Variants in ANKRD34B observed in about 807,000 individuals in gnomAD.
The protein encoded by ANKRD34B is ankyrin repeat domain-containing protein 34B.
A neutral mutation model predicts 4.4 loss-of-function variants in ANKRD34B; 2 were observed. That is an observed-to-expected ratio of 0.46 (90% CI 0.19 to 1.44). The LOEUF is 1.44. Ranked by LOEUF, ANKRD34B falls within the 40% of genes most tolerant of loss-of-function variation. The pLI is 0.26. For synonymous variants in ANKRD34B, 226 were observed against 227.1 expected (o/e 0.99, Z 0.05); for missense variants, 558 against 604.7 (o/e 0.92, Z 0.81).
In ANKRD34B at chr5:80,557,934, G is replaced by C. The variant is rs1030707521; in HGVS notation, c.*541C>G. The C allele has an allele frequency of 6.6e-6, 1 of 152,166 alleles. No homozygotes were observed. The highest frequency in any genetic ancestry group is 2.4e-5 in the African/African-American group (1 of 41,410). The allele number at this position is 152,166 out of a possible 1,614,324, so 9.4% of individuals were successfully genotyped here. A position where few individuals can be genotyped will look rare whatever the true frequency, so the allele number is the denominator to read the frequency against. On this transcript the variant is annotated 3_prime_UTR_variant, in exon 5 of 5. Transcript: ENST00000338682. ...GTTTAACCTTTTAAATTTTTAATTAGAGTTTTATCTATCTTCAGTCAACAT... is the reference window on the plus strand; with the variant it reads ...GTTTAACCTTTTAAATTTTTAATTACAGTTTTATCTATCTTCAGTCAACAT...
chr5:80,568,491 T>G (rs944622119), intron 2 of ANKRD34B, among the ~76,000 whole-genome samples: 5 of 152,178 alleles, frequency 3.3e-5, no homozygotes, highest in Admixed American at 3.3e-4. Flanking sequence ...GGAGGTTTGC[T>G]GCCCTGCCTT....
chr5:80,563,993 A>C (rs1386878057), intron 3 of ANKRD34B, among the ~76,000 whole-genome samples, 178 bp from the exon 4 acceptor site: 1 of 152,224 alleles, frequency 6.6e-6, no homozygotes, highest in African/African-American at 2.4e-5. Context: ...GTCATTTAAA[A>C]AAATTGTTTG....
intron 4 of ANKRD34B, among the ~76,000 whole-genome samples, chr5:80,563,346 C>T (rs1746460993): frequency 1.3e-5 from 2 of 152,094 alleles, no homozygotes; most frequent in Non-Finnish European, 2.9e-5. Context: ...AAACAGTACG[C>T]ATTTCATGTA....
rs1019966074 is a variant in ANKRD34B at position 80,559,492 on chromosome 5, C to G, written c.528G>C (p.Gly176=). 1.2e-6 allele frequency: 2 copies of G among 1,614,200 alleles called. No homozygotes were observed. Among genetic ancestry groups the G allele is most frequent in the African/African-American group, 2.7e-5 (2 of 75,042 alleles). Residue 176 remains glycine, a synonymous_variant, in exon 5 of 5, where the codon GGG becomes GGC. Coordinates refer to ENST00000338682, the MANE Select transcript of ANKRD34B (RefSeq NM_001004441.3). ...TGGTGCAGGTAGCTGGGGAATGACA[C>G]CCATCTATATCCACAGGAGGCATAT... is the stretch of plus-strand genomic sequence containing the variant. ...YLNMPPVDID[G]CHSPATCTTP...
chr5:80,562,291 C>A (rs2112712339), intron 4 of ANKRD34B, among the ~76,000 whole-genome samples: 1 of 152,172 alleles, frequency 6.6e-6, no homozygotes, highest in African/African-American at 2.4e-5. Context: ...ACAAGATCCC[C>A]AGGTGATTTG....
intron 1 of ANKRD34B, among the ~76,000 whole-genome samples, 186 bp from the exon 2 acceptor site, chr5:80,569,293 G>A (rs62366869): frequency 0.067 from 10,215 of 152,174 alleles, 382 homozygotes; most frequent in Non-Finnish European, 0.091. Flanking sequence ...CCGCTCGCCC[G>A]CCGGCCGGAC....
intron 3 of ANKRD34B, among the ~76,000 whole-genome samples, chr5:80,564,647 A>C (rs965667274): frequency 2.7e-5 from 4 of 146,282 alleles, no homozygotes; most frequent in African/African-American, 7.5e-5. Context: ...CAGCCCCATG[A>C]GGTTGACTTT....
At chr5:80,567,281 CTGTGGCTTTT>C (rs1746594398) in intron 2 of ANKRD34B, among the ~76,000 whole-genome samples, 1 of 152,064 alleles carries the variant, frequency 6.6e-6, no homozygotes, top group Admixed American at 6.6e-5. Context: ...CAGGCCTTTC[CTGTGGCTTTT>C]TGTCCCCATG....
At chr5:80,560,410 C>T (rs1746381910) in intron 4 of ANKRD34B, among the ~76,000 whole-genome samples, 1 of 152,060 alleles carries the variant, frequency 6.6e-6, no homozygotes, top group South Asian at 2.1e-4. Flanking sequence ...AATCCCAGCA[C>T]TTTGGGAGGT....
intron 1 of ANKRD34B, among the ~76,000 whole-genome samples, 160 bp downstream of exon 1, chr5:80,569,994 G>A (rs1746709853): frequency 6.6e-6 from 1 of 152,222 alleles, no homozygotes; most frequent in South Asian, 2.1e-4. Context: ...GTGAGCGGGA[G>A]GTGCGGGCTT....
At chr5:80,562,732 AG>A (rs376984156) in intron 4 of ANKRD34B, among the ~76,000 whole-genome samples, 172 of 152,316 alleles carry the variant, frequency 1.1e-3, no homozygotes, top group African/African-American at 3.9e-3. Flanking sequence ...TAAACTTGTC[AG>A]GGAAAAAAGG....
At chr5:80,564,774 C>G (rs1746514932) in intron 3 of ANKRD34B, among the ~76,000 whole-genome samples, 1 of 141,542 alleles carries the variant, frequency 7.1e-6, no homozygotes, top group African/African-American at 2.7e-5. Flanking sequence ...GGCACAATCT[C>G]GGCTCACTGT....
intron 3 of ANKRD34B, among the ~76,000 whole-genome samples, chr5:80,564,704 T>TC (rs1370146904): frequency 6.2e-5 from 9 of 144,964 alleles, no homozygotes; most frequent in Admixed American, 2.1e-4. Context: ...GCTCACTTCT[T>TC]TTTTTTTTTT....
intron 2 of ANKRD34B, among the ~76,000 whole-genome samples, chr5:80,567,545 C>T (rs974125583): frequency 4.2e-5 from 6 of 144,188 alleles, no homozygotes; most frequent in African/African-American, 1.3e-4. Flanking sequence ...CACTTGAACT[C>T]GGGAGGCGGA....
At chr5:80,562,225 T>C (rs1746425121) in intron 4 of ANKRD34B, among the ~76,000 whole-genome samples, 1 of 152,020 alleles carries the variant, frequency 6.6e-6, no homozygotes, top group Non-Finnish European at 1.5e-5. Context: ...GAAAACTCTT[T>C]TATATGCAGA....
Position 80,558,990 on chromosome 5 carries a change from G to C in ANKRD34B, c.1030C>G (p.Pro344Ala). The change falls in exon 5 of 5, where the codon CCA (proline) becomes GCA (alanine). Residue 344 changes from proline (P) to alanine (A), a missense_variant. By Grantham distance (27) the Pro-to-Ala change is conservative. Coordinates refer to ENST00000338682, the MANE Select transcript of ANKRD34B (RefSeq NM_001004441.3). ...GCAAATATTGTCTGGTTAGAATCTG[G>C]GTCCTGGTCAACAGGGACTTCAATG... is the stretch of plus-strand genomic sequence containing the variant. ...QCIEVPVDQD[P>A]DSNQTIFAST... The C allele has an allele frequency of 6.2e-7, 1 of 1,614,070 alleles. No individual in the cohort carries two copies. Among genetic ancestry groups the C allele is most frequent in the Non-Finnish European group, 8.5e-7 (1 of 1,180,018 alleles).
Position 80,558,409 on chromosome 5 carries a change from T to C in ANKRD34B, c.*66A>G. On this transcript the variant is annotated 3_prime_UTR_variant, in exon 5 of 5. Coordinates refer to ENST00000338682, the MANE Select transcript of ANKRD34B (RefSeq NM_001004441.3). ...GATTTAAAAGAATGAACATTTAAGA[T>C]TTCTTCTCTAGTTCTTTGTTTCTCT... The C allele has an allele frequency of 1.6e-6, 2 of 1,253,176 alleles. No homozygotes were observed. Among genetic ancestry groups the C allele is most frequent in the South Asian group, 1.5e-5 (1 of 67,580 alleles). 77.6% of individuals were successfully genotyped at this position (1,253,176 alleles called of 1,614,324 possible).
Position 80,567,637 on chromosome 5 carries a change from G to GAAA in ANKRD34B, c.-190-866_-190-864dup, listed in dbSNP as rs3045875. Among the ~76,000 whole-genome samples, 3 of 91,698 alleles carry GAAA rather than the reference G, an allele frequency of 3.3e-5. No homozygotes were observed. In the South Asian group the frequency reaches 1.2e-3, roughly 36 times the overall value. 60.2% of individuals were successfully genotyped at this position (91,698 alleles called of 152,430 possible). A position where few individuals can be genotyped will look rare whatever the true frequency, so the allele number is the denominator to read the frequency against. Reference sequence around the variant, plus strand: ...ACTCCGTCTCAAAAAAAAAAAAAAAGAAAAGAAAAGAAAAGAAGGAAAAGT... The same window carrying GAAA: ...ACTCCGTCTCAAAAAAAAAAAAAAAGAAAAAAAGAAAAGAAAAGAAGGAAAAGT... On this transcript the variant is annotated intron_variant, in intron 2 of 4. Coordinates refer to ENST00000338682, the MANE Select transcript of ANKRD34B (RefSeq NM_001004441.3).
At position 80,567,636 on chromosome 5, in the gene ANKRD34B, AG is replaced by A. The variant is rs66907226; in HGVS notation, c.-190-863del. On this transcript the variant is annotated intron_variant, in intron 2 of 4. Transcript: ENST00000338682. ...GACTCCGTCTCAAAAAAAAAAAAAA[AG>A]AAAAGAAAAGAAAAGAAGGAAAAGT... 3.2e-4 allele frequency among the ~76,000 whole-genome samples: 35 copies of A among 109,670 alleles called. 7 individuals are homozygous for A. In the East Asian group the frequency reaches 4.2e-3, roughly 13 times the overall value. The allele number at this position is 109,670 out of a possible 152,430, so 71.9% of individuals were successfully genotyped here.
Sources: gnomAD v4.1 joint callset for allele counts (sites outside exome capture counted in the v4.1 genomes callset) on GRCh38, gnomAD v4.1.1 for gene constraint, MANE v1.5 for transcripts, NCBI Gene and HGNC (gene_info 2026-07-23, HGNC 2026-07-21) for gene names.